The following ZFX variants were observed in gnomAD, a reference collection of about 807,000 sequenced individuals.
ZFX encodes zinc finger protein X-linked, also known as zinc finger X-chromosomal protein.
For synonymous variants in ZFX, 196 were observed against 226.8 expected (o/e 0.86, Z 1.22); for missense variants, 362 against 628.3 (o/e 0.58, Z 4.53).
At chrX:24,158,826 T>C (rs1418903689) in intron 3 of ZFX, among the ~76,000 whole-genome samples, 5 of 102,783 alleles carry the variant, frequency 4.9e-5, no homozygotes, top group Non-Finnish European at 9.9e-5. Context: ...TTTTTGTATT[T>C]TTAGTAGAGA....
intron 1 of ZFX, among the ~76,000 whole-genome samples, chrX:24,151,036 G>A (rs1239506154): frequency 8.9e-6 from 1 of 111,799 alleles, no homozygotes; most frequent in East Asian, 2.8e-4. Context: ...AACTTAGTGT[G>A]GTGCATATTT....
At chrX:24,160,968 A>T (rs1162253492) in intron 3 of ZFX, among the ~76,000 whole-genome samples, 1 of 111,475 alleles carries the variant, frequency 9.0e-6, no homozygotes, top group Non-Finnish European at 1.9e-5. Flanking sequence ...AGAACTTTGT[A>T]TTTACAGGAT....
At chrX:24,185,460 T>C (rs2147766908) in intron 5 of ZFX, among the ~76,000 whole-genome samples, 1 of 112,085 alleles carries the variant, frequency 8.9e-6, no homozygotes, top group South Asian at 3.7e-4. Flanking sequence ...TTTTAATTAA[T>C]TTATTTTTGA....
intron 5 of ZFX, among the ~76,000 whole-genome samples, chrX:24,188,028 C>T (rs897978811): frequency 1.3e-4 from 14 of 109,793 alleles, no homozygotes; most frequent in Non-Finnish European, 2.1e-4. Context: ...AAAAATTAGC[C>T]GGGCATGGTG....
intron 5 of ZFX, among the ~76,000 whole-genome samples, chrX:24,181,744 G>A (rs2147707846): frequency 9.0e-6 from 1 of 111,353 alleles, no homozygotes; most frequent in South Asian, 3.7e-4. Context: ...CCAAGTTGAT[G>A]AGAATGTTCA....
Position 24,179,367 on chromosome X carries a change from C to T in ZFX, c.243C>T (p.Ile81=). The part of the protein sequence containing the change: ...VVIEDVQCPD[I]MEEADVSETV... ...TAGAAGATGTTCAGTGCCCAGATAT[C>T]ATGGAAGAAGCAGATGTGTCTGAAA... The change falls in exon 5 of 10, where the codon ATC becomes ATT. Residue 81 remains isoleucine, a synonymous_variant. Coordinates refer to ENST00000304543, the MANE Select transcript of ZFX (RefSeq NM_003410.4). 8.3e-7 allele frequency: 1 copy of T among 1,212,076 alleles called. No homozygotes were observed. Among genetic ancestry groups the T allele is most frequent in the Non-Finnish European group, 1.1e-6 (1 of 895,637 alleles).
At chrX:24,209,203 A>G in intron 9 of ZFX, 163 bp downstream of exon 9, 1 of 800,036 alleles carries the variant, frequency 1.2e-6, no homozygotes, top group African/African-American at 2.1e-5. Context: ...AGTGATATTC[A>G]TGAATGATTT....
In ZFX at chrX:24,215,803, A is replaced by G. The variant is rs1375901941; in HGVS notation, c.*4427A>G. The G allele has an allele frequency of 9.2e-6, 1 of 109,285 alleles. No individual in the cohort carries two copies. Among genetic ancestry groups the G allele is most frequent in the Non-Finnish European group, 1.9e-5 (1 of 52,614 alleles). 9.0% of individuals were successfully genotyped at this position (109,285 alleles called of 1,213,427 possible). A position where few individuals can be genotyped will look rare whatever the true frequency, so the allele number is the denominator to read the frequency against. On this transcript the variant is annotated 3_prime_UTR_variant, in exon 10 of 10. Coordinates refer to ENST00000304543, the MANE Select transcript of ZFX (RefSeq NM_003410.4). ...CATTCTTCAAAGGTAAACTGAGTTG[A>G]GAGGAAGATTCAGCATTTAAAAGAG...
intron 5 of ZFX, among the ~76,000 whole-genome samples, chrX:24,180,214 A>G (rs1353361253): frequency 9.2e-6 from 1 of 109,252 alleles, no homozygotes; most frequent in African/African-American, 3.3e-5. Flanking sequence ...CCTGGGTGAC[A>G]GAGCAAGACT....
chrX:24,178,177 G>C (rs949335220), intron 4 of ZFX, among the ~76,000 whole-genome samples: 2 of 111,400 alleles, frequency 1.8e-5, no homozygotes, highest in African/African-American at 6.5e-5. Context: ...TGATCCACCT[G>C]CCTTGGCCTC....
intron 5 of ZFX, among the ~76,000 whole-genome samples, chrX:24,200,326 TCTG>T (rs775775294): frequency 4.5e-5 from 5 of 111,479 alleles, no homozygotes; most frequent in Admixed American, 3.8e-4. Context: ...AGTGAAACCA[TCTG>T]CTGGGTGTGT....
Position 24,215,304 on chromosome X carries a change from A to G in ZFX, c.*3928A>G, listed in dbSNP as rs1938392184. On this transcript the variant is annotated 3_prime_UTR_variant, in exon 10 of 10. Coordinates refer to ENST00000304543, the MANE Select transcript of ZFX (RefSeq NM_003410.4). ...TCATTTCCCACAAATTCTAGCATTCATGTAAGGAAAAACATGGCTAATCAA... is the reference window on the plus strand; with the variant it reads ...TCATTTCCCACAAATTCTAGCATTCGTGTAAGGAAAAACATGGCTAATCAA... 1 of 110,648 alleles carries G rather than the reference A, an allele frequency of 9.0e-6. No homozygotes were observed. Among genetic ancestry groups the G allele is most frequent in the East Asian group, 2.8e-4 (1 of 3,564 alleles). The allele number at this position is 110,648 out of a possible 1,213,427, so 9.1% of individuals were successfully genotyped here.
intron 7 of ZFX, 58 bp from the exon 8 acceptor site, chrX:24,208,160 G>T: frequency 8.5e-7 from 1 of 1,170,098 alleles, no homozygotes; most frequent in Non-Finnish European, 1.1e-6. Flanking sequence ...AAATAAAAAC[G>T]TGTTTCCTGT....
At chrX:24,160,204 C>T in intron 3 of ZFX, among the ~76,000 whole-genome samples, 2 of 106,530 alleles carry the variant, frequency 1.9e-5, no homozygotes, top group Admixed American at 2.1e-4. Flanking sequence ...AGGCTTAGCT[C>T]ATTCATATTT....
chrX:24,209,421 A>G (rs1189118938), intron 9 of ZFX, among the ~76,000 whole-genome samples: 1 of 112,416 alleles, frequency 8.9e-6, no homozygotes, highest in Admixed American at 9.4e-5. Context: ...AGTTCATATG[A>G]CATTCCTATT....
Position 24,179,335 on chromosome X carries a change from G to T in ZFX, c.211G>T (p.Val71Phe). 1 of 1,212,006 alleles carries T rather than the reference G, an allele frequency of 8.3e-7. No homozygotes were observed. Among genetic ancestry groups the T allele is most frequent in the South Asian group, 1.8e-5 (1 of 57,023 alleles). Residue 71 changes from valine (V) to phenylalanine (F), a missense_variant, in exon 5 of 10, where the codon GTT (valine) becomes TTT (phenylalanine). Coordinates refer to ENST00000304543, the MANE Select transcript of ZFX (RefSeq NM_003410.4). Reference sequence around the variant, plus strand: ...TGTAATCCAAGATGTTATTGAGGACGTTGTTATAGAAGATGTTCAGTGCCC... The same window carrying T: ...TGTAATCCAAGATGTTATTGAGGACTTTGTTATAGAAGATGTTCAGTGCCC... Reference protein sequence around the residue: ...SVVIQDVIEDVVIEDVQCPDI... With the variant: ...SVVIQDVIEDFVIEDVQCPDI...
intron 3 of ZFX, among the ~76,000 whole-genome samples, chrX:24,163,740 C>T (rs1933682669): frequency 9.7e-6 from 1 of 103,323 alleles, no homozygotes; most frequent in African/African-American, 3.6e-5. Context: ...CCAGGCTGGT[C>T]TTGAACTCCT....
In ZFX at chrX:24,215,571, GACTGGTTC is replaced by G. The variant is rs1298605252; in HGVS notation, c.*4197_*4204del. 1 of 111,904 alleles carries G rather than the reference GACTGGTTC, an allele frequency of 8.9e-6. No homozygotes were observed. The highest frequency in any genetic ancestry group is 3.2e-5 in the African/African-American group (1 of 30,834). 9.2% of individuals were successfully genotyped at this position (111,904 alleles called of 1,213,427 possible). A position where few individuals can be genotyped will look rare whatever the true frequency, so the allele number is the denominator to read the frequency against. ...AGAGCACTTGAGGAACCTAAAAGAT[GACTGGTTC>G]AGCATTTTGTGTGGTAGATAAGAAA... On this transcript the variant is annotated 3_prime_UTR_variant, in exon 10 of 10. Coordinates refer to ENST00000304543, the MANE Select transcript of ZFX (RefSeq NM_003410.4).
rs1253606404 is a variant in ZFX at position 24,210,657 on chromosome X, A to T, written c.1699A>T (p.Met567Leu). 10 of 1,211,907 alleles carry T rather than the reference A, an allele frequency of 8.3e-6. No homozygotes were observed. The highest frequency in any genetic ancestry group is 3.3e-6 in the Non-Finnish European group (3 of 895,611). ...TCACCCGTCAGAGCTCAAAAAGCAC[A>T]TGAGAATCCATACTGGGGAGAAGCC... ...FRHPSELKKH[M>L]RIHTGEKPYQ... is the part of the protein sequence containing the mutation. The change falls in exon 10 of 10, where the codon ATG becomes TTG. Residue 567 changes from methionine (M) to leucine (L), a missense_variant. Coordinates refer to ENST00000304543, the MANE Select transcript of ZFX (RefSeq NM_003410.4).
Sources: allele counts gnomAD v4.1 joint callset (sites outside exome capture counted in the v4.1 genomes callset), GRCh38; gene constraint gnomAD v4.1.1; transcripts MANE v1.5; gene names NCBI Gene and HGNC (gene_info 2026-07-23, HGNC 2026-07-21).